The following ARHGAP42 variants were observed in gnomAD, a reference collection of about 807,000 sequenced individuals.
ARHGAP42 encodes rho GTPase-activating protein 42.
In ARHGAP42, 63 loss-of-function variants were observed where a neutral mutation model predicts 125.0. The ratio of observed to expected loss-of-function variants is 0.50; its 90% CI spans 0.41 to 0.62. ARHGAP42 has a LOEUF of 0.62. Ranked by LOEUF, ARHGAP42 falls within the 20% of genes least tolerant of loss-of-function variation. The pLI is 0.00. For synonymous variants in ARHGAP42, 339 were observed against 351.0 expected (o/e 0.97, Z 0.38); for missense variants, 766 against 1,024.2 (o/e 0.75, Z 3.44).
chr11:100,778,628 G>A (rs376685354), intron 2 of ARHGAP42, among the ~76,000 whole-genome samples: 19 of 151,972 alleles, frequency 1.3e-4, no homozygotes, highest in East Asian at 7.8e-4. Flanking sequence ...AATGATGGAA[G>A]CAGCTGGGAA....
At chr11:100,919,394 A>AT (rs989904711) in intron 5 of ARHGAP42, among the ~76,000 whole-genome samples, 1 of 152,106 alleles carries the variant, frequency 6.6e-6, no homozygotes, top group Non-Finnish European at 1.5e-5. Flanking sequence ...ACACCAGCCA[A>AT]GGGCCAACCT....
intron 3 of ARHGAP42, among the ~76,000 whole-genome samples, chr11:100,854,469 T>A (rs973023340): frequency 6.6e-6 from 1 of 152,198 alleles, no homozygotes; most frequent in Non-Finnish European, 1.5e-5. Context: ...AGTATCCAGA[T>A]AGCCTTACAT....
intron 12 of ARHGAP42, among the ~76,000 whole-genome samples, chr11:100,952,703 A>G (rs978316867): frequency 4.1e-5 from 6 of 145,266 alleles, no homozygotes; most frequent in Non-Finnish European, 7.5e-5. Context: ...TGGGGTGGAC[A>G]TTGTGGTATT....
chr11:100,813,855 G>A (rs1004539711), intron 3 of ARHGAP42, among the ~76,000 whole-genome samples: 4 of 151,990 alleles, frequency 2.6e-5, no homozygotes, highest in East Asian at 1.9e-4. Flanking sequence ...TAAGACTGGC[G>A]GCAACATGTA....
At chr11:100,713,023 T>G (rs1373984714) in intron 1 of ARHGAP42, among the ~76,000 whole-genome samples, 2 of 152,222 alleles carry the variant, frequency 1.3e-5, no homozygotes, top group Non-Finnish European at 2.9e-5. Flanking sequence ...CTGGGTTGTC[T>G]TACTTGGTTG....
intron 4 of ARHGAP42, among the ~76,000 whole-genome samples, chr11:100,893,199 A>G (rs897611164): frequency 8.8e-6 from 1 of 113,192 alleles, no homozygotes; most frequent in Non-Finnish European, 1.9e-5. Context: ...TTCTTTTTGA[A>G]ATTGAATTTG....
chr11:100,785,463 T>G (rs966878205), intron 2 of ARHGAP42, among the ~76,000 whole-genome samples: 2 of 152,230 alleles, frequency 1.3e-5, no homozygotes, highest in Non-Finnish European at 2.9e-5. Context: ...GTTAGATAGC[T>G]TGAACTTTTA....
rs79895720 is a variant in ARHGAP42, at chr11:100,739,626, C to T, written c.155-30717C>T. 9.2e-5 allele frequency among the ~76,000 whole-genome samples: 14 copies of T among 152,230 alleles called. No homozygotes were observed. The East Asian group carries it at 2.3e-3, about 25-fold the overall frequency. On this transcript the variant is annotated intron_variant, in intron 1 of 23. Transcript: ENST00000298815. ...AGAAAGAATTTTAAAATGTAATGTA[C>T]GAAGGTATAATTCTGTGTATCTATA...
intron 10 of ARHGAP42, among the ~76,000 whole-genome samples, chr11:100,944,371 G>A (rs143581512): frequency 2.5e-4 from 38 of 152,210 alleles, no homozygotes; most frequent in East Asian, 1.4e-3. Flanking sequence ...TATAAATGTC[G>A]TGAATCTAAG....
intron 2 of ARHGAP42, 137 bp from the exon 3 acceptor site, chr11:100,794,968 G>A: frequency 1.8e-6 from 1 of 561,854 alleles, no homozygotes; most frequent in Non-Finnish European, 3.0e-6. Flanking sequence ...ACAGAATATA[G>A]TATATTCAAA....
At chr11:100,952,689 C>G (rs1283097510) in intron 12 of ARHGAP42, among the ~76,000 whole-genome samples, 1 of 149,894 alleles carries the variant, frequency 6.7e-6, no homozygotes, top group African/African-American at 2.5e-5. Context: ...GCTGCCAGCA[C>G]CTCTGGGGTG....
intron 1 of ARHGAP42, among the ~76,000 whole-genome samples, chr11:100,714,658 G>A (rs1429716305): frequency 6.6e-6 from 1 of 152,120 alleles, no homozygotes; most frequent in East Asian, 1.9e-4. Context: ...GAGATATCTG[G>A]CTAGGCTTTT....
chr11:100,901,289 TC>T (rs1454196800), intron 4 of ARHGAP42, among the ~76,000 whole-genome samples: 1 of 152,152 alleles, frequency 6.6e-6, no homozygotes, highest in Admixed American at 6.5e-5. Flanking sequence ...CAAGCTTCGT[TC>T]CAGAGGGGCA....
chr11:100,944,878 G>T (rs1204903598), intron 10 of ARHGAP42, among the ~76,000 whole-genome samples: 1 of 151,958 alleles, frequency 6.6e-6, no homozygotes, highest in Non-Finnish European at 1.5e-5. Flanking sequence ...GAAGGATGGG[G>T]TGGCTGTGGC....
chr11:100,711,621 T>C (rs1189568454), intron 1 of ARHGAP42, among the ~76,000 whole-genome samples: 1 of 152,178 alleles, frequency 6.6e-6, no homozygotes, highest in African/African-American at 2.4e-5. Flanking sequence ...GCCTCCCAAA[T>C]TGTTGGGATT....
intron 17 of ARHGAP42, among the ~76,000 whole-genome samples, chr11:100,970,777 A>G (rs1307706185): frequency 6.6e-6 from 1 of 151,996 alleles, no homozygotes; most frequent in African/African-American, 2.4e-5. Context: ...GAAACGAGGG[A>G]GATTTTGGCA....
At chr11:100,886,621 G>A (rs934483566) in intron 4 of ARHGAP42, among the ~76,000 whole-genome samples, 1 of 152,158 alleles carries the variant, frequency 6.6e-6, no homozygotes, top group African/African-American at 2.4e-5. Context: ...GCACAGCGAT[G>A]CCCCATTCCT....
At chr11:100,908,080 A>G (rs1169221935) in intron 4 of ARHGAP42, among the ~76,000 whole-genome samples, 4 of 152,252 alleles carry the variant, frequency 2.6e-5, no homozygotes, top group African/African-American at 9.6e-5. Context: ...TTTTACTACA[A>G]AGAAATGTAG....
At chr11:100,878,652 G>A (rs1865880759) in intron 4 of ARHGAP42, among the ~76,000 whole-genome samples, 1 of 152,234 alleles carries the variant, frequency 6.6e-6, no homozygotes, top group Non-Finnish European at 1.5e-5. Flanking sequence ...CATCCCAGGG[G>A]ACATGCGGAG....
Sources: gnomAD v4.1 joint callset for allele counts (sites outside exome capture counted in the v4.1 genomes callset) on GRCh38, gnomAD v4.1.1 for gene constraint, MANE v1.5 for transcripts, NCBI Gene and HGNC (gene_info 2026-07-23, HGNC 2026-07-21) for gene names.